HESX1: variants seen among roughly 807,000 people sequenced by gnomAD.
HESX1 encodes homeobox expressed in ES cells 1.
Under a neutral mutation model 22.5 loss-of-function variants are expected in HESX1, and 11 were observed. The observed-to-expected ratio is 0.49, with a 90% CI of 0.31 to 0.81. The LOEUF (loss-of-function observed/expected upper bound fraction) is 0.81. Ranked by LOEUF, HESX1 falls within the 30% of genes least tolerant of loss-of-function variation. The pLI, the probability that HESX1 is intolerant of heterozygous loss-of-function variation, is 0.05. For missense variants in HESX1, 201 were observed against 212.6 expected, an observed-to-expected ratio of 0.95 and a Z score of 0.34; for synonymous variants, 74 against 76.5, an observed-to-expected ratio of 0.97 and a Z score of 0.17.
At chr3:57,204,798 CA>C (rs35358466), upstream of HESX1, among the ~76,000 whole-genome samples, 60,006 of 134,374 alleles carry the variant, frequency 0.45, 13,042 homozygotes, top group East Asian at 0.88. Context: ...AACCTTGTCT[CA>C]AAAAAAAAAA....
chr3:57,198,527 C>G, intron 2 of HESX1, 35 bp from the exon 3 acceptor site: 1 of 1,293,400 alleles, frequency 7.7e-7, no homozygotes, highest in East Asian at 2.3e-5. Context: ...CAGTATGTCT[C>G]CAAAAATGAG....
rs776422303 is a variant in HESX1, at chr3:57,198,498, A to T, written c.358-6T>A. ...ACATTTTCTAACACTTCAATCTAAG[A>T]AAAAAAAATGTTGATATTCAGTATG... On this transcript the variant is annotated splice_region_variant and splice_polypyrimidine_tract_variant and intron_variant, in intron 2 of 3. Transcript: ENST00000295934. 1.4e-6 allele frequency: 2 copies of T among 1,465,198 alleles called. No individual in the cohort carries two copies. Among genetic ancestry groups the T allele is most frequent in the Non-Finnish European group, 1.9e-6 (2 of 1,052,488 alleles). The allele number at this position is 1,465,198 out of a possible 1,614,324, so 90.8% of individuals were successfully genotyped here.
intron 1 of HESX1, among the ~76,000 whole-genome samples, chr3:57,216,591 AGAGT>A (rs2060584153): frequency 6.6e-6 from 1 of 152,234 alleles, no homozygotes; most frequent in South Asian, 2.1e-4. Flanking sequence ...AGGCTAGGTG[AGAGT>A]GAGACTCTGT....
At position 57,199,970 on chromosome 3, in the gene HESX1, C is replaced by T. The variant is rs774053882; in HGVS notation, c.-52G>A. On this transcript the variant is annotated 5_prime_UTR_variant, in exon 1 of 4. Coordinates refer to ENST00000295934, the MANE Select transcript of HESX1 (RefSeq NM_003865.3). ...GCTCTGGCCTCTGCTGGCTCTGCCC[C>T]ACGTGTATAGGGCTGGGATCTTCCT... 6.4e-6 allele frequency: 10 copies of T among 1,551,090 alleles called. No homozygotes were observed. Among genetic ancestry groups the T allele is most frequent in the Non-Finnish European group, 8.9e-6 (10 of 1,123,830 alleles).
At chr3:57,205,529 C>T (rs952873226) in intron 1 of HESX1, among the ~76,000 whole-genome samples, 2 of 152,208 alleles carry the variant, frequency 1.3e-5, no homozygotes, top group African/African-American at 2.4e-5. Flanking sequence ...ACTCCTCCCT[C>T]CCATGTTCAC....
chr3:57,224,620 T>A (rs939093317), intron 1 of HESX1, among the ~76,000 whole-genome samples: 1 of 152,234 alleles, frequency 6.6e-6, no homozygotes, highest in Non-Finnish European at 1.5e-5. Context: ...CTCAGGAATC[T>A]GTATGCTAAC....
chr3:57,212,878 G>A (rs574961494), intron 1 of HESX1, among the ~76,000 whole-genome samples: 2 of 152,142 alleles, frequency 1.3e-5, no homozygotes, highest in South Asian at 4.2e-4. Context: ...GTGCCATGTT[G>A]GTTTGCTGCA....
rs1368978407 is a variant in HESX1 at position 57,199,871 on chromosome 3, G to A, written c.48C>T (p.Pro16=). The A allele has an allele frequency of 1.9e-6, 3 of 1,613,966 alleles. No homozygotes were observed. In the African/African-American group the frequency reaches 4.0e-5, roughly 22 times the overall value. Residue 16 remains proline (P), a synonymous_variant, in exon 1 of 4, where the codon CCC becomes CCT. Coordinates refer to ENST00000295934, the MANE Select transcript of HESX1 (RefSeq NM_003865.3). ...TCTCAATTGAAAAGGAGCAAGTTGA[G>A]GGTTTGTTTTCCCCGAGCTGAGCGC... is the stretch of plus-strand genomic sequence containing the variant. ...QEGAQLGENK[P]STCSFSIERI...
intron 1 of HESX1, among the ~76,000 whole-genome samples, chr3:57,220,016 A>G (rs1333257785): frequency 6.6e-6 from 1 of 152,118 alleles, no homozygotes; most frequent in Non-Finnish European, 1.5e-5. Flanking sequence ...TGATTTTTGT[A>G]TATGGCGTAA....
At chr3:57,227,367 T>C (rs2060653246), upstream of HESX1, among the ~76,000 whole-genome samples, 1 of 152,214 alleles carries the variant, frequency 6.6e-6, no homozygotes, top group African/African-American at 2.4e-5. Flanking sequence ...TGTTATCATC[T>C]GAGGAAACTA....
chr3:57,215,998 G>A (rs2060580692), intron 1 of HESX1, among the ~76,000 whole-genome samples: 2 of 152,090 alleles, frequency 1.3e-5, no homozygotes, highest in Admixed American at 6.6e-5. Context: ...CTGACATGAT[G>A]CCCCATCAAC....
chr3:57,200,566 G>C (rs776355129), upstream of HESX1, among the ~76,000 whole-genome samples: 1 of 152,224 alleles, frequency 6.6e-6, no homozygotes, highest in Non-Finnish European at 1.5e-5. Context: ...TTAACATGGA[G>C]TGTAATTGTC....
chr3:57,225,021 G>C (rs1464359370), intron 1 of HESX1, among the ~76,000 whole-genome samples: 1 of 152,134 alleles, frequency 6.6e-6, no homozygotes, highest in Non-Finnish European at 1.5e-5. Context: ...TAACCCCTAA[G>C]GCATTCTCTG....
At chr3:57,211,727 G>C (rs532558831) in intron 1 of HESX1, among the ~76,000 whole-genome samples, 7 of 151,824 alleles carry the variant, frequency 4.6e-5, no homozygotes, top group Non-Finnish European at 7.4e-5. Context: ...TAGCTACTGG[G>C]GAGGATGAGG....
intron 1 of HESX1, among the ~76,000 whole-genome samples, chr3:57,219,375 C>T (rs1026836756): frequency 1.8e-4 from 27 of 147,884 alleles, no homozygotes; most frequent in Non-Finnish European, 3.2e-4. Context: ...CCCACTTTTT[C>T]TTTTTTTTTT....
upstream of HESX1, among the ~76,000 whole-genome samples, chr3:57,204,362 G>T (rs1308188387): frequency 2.0e-5 from 3 of 152,114 alleles, no homozygotes. Context: ...CATTTTAGAG[G>T]AAATACCTAT....
intron 1 of HESX1, among the ~76,000 whole-genome samples, chr3:57,212,323 G>A (rs2060559152): frequency 6.6e-6 from 1 of 152,056 alleles, no homozygotes; most frequent in South Asian, 2.1e-4. Context: ...CACTTTGGGA[G>A]GCTGAGGTGG....
intron 1 of HESX1, among the ~76,000 whole-genome samples, chr3:57,212,666 G>A (rs559298214): frequency 6.6e-6 from 1 of 151,552 alleles, no homozygotes; most frequent in East Asian, 2.0e-4. Flanking sequence ...AGAAAAATAT[G>A]ATAGTCTCCT....
At chr3:57,209,066 T>C (rs111879815) in intron 1 of HESX1, among the ~76,000 whole-genome samples, 6 of 152,304 alleles carry the variant, frequency 3.9e-5, no homozygotes, top group South Asian at 2.1e-4. Flanking sequence ...TCTGGATGAT[T>C]AGAACTTCTA....
Sources: gnomAD v4.1 joint callset for allele counts (sites outside exome capture counted in the v4.1 genomes callset) on GRCh38, gnomAD v4.1.1 for gene constraint, MANE v1.5 for transcripts, NCBI Gene and HGNC (gene_info 2026-07-23, HGNC 2026-07-21) for gene names.